PPP1R14C: variants seen among roughly 807,000 people sequenced by gnomAD.
PPP1R14C encodes protein phosphatase 1 regulatory inhibitor subunit 14C, also known as protein phosphatase 1 regulatory subunit 14C.
A neutral mutation model predicts 20.4 loss-of-function variants in PPP1R14C; 16 were observed. That is an observed-to-expected ratio of 0.78 (90% CI 0.53 to 1.19). PPP1R14C has a LOEUF of 1.19. PPP1R14C is among the 50% of genes most tolerant of loss of function. PPP1R14C has a pLI of 0.00. For missense variants in PPP1R14C, 211 were observed against 220.1 expected (o/e 0.96, Z 0.26); for synonymous variants, 91 against 91.0 (o/e 1.00, Z 0.00).
Position 150,214,799 on chromosome 6 carries a change from G to C in PPP1R14C, c.362G>C (p.Ser121Thr). The part of the protein sequence containing the change: ...IDIDDLLDAD[S>T]DEERASKLQE... ...ATTGATGATCTTCTTGATGCAGACA[G>C]TGATGAAGAGAGAGCTTCAAAATTA... Residue 121 changes from serine to threonine, a missense_variant, in exon 2 of 4, where the codon AGT (serine) becomes ACT (threonine). Ser to Thr is a moderately conservative substitution (Grantham distance 58). Transcript: ENST00000361131. 6.2e-7 allele frequency: 1 copy of C among 1,612,080 alleles called. No individual in the cohort carries two copies. Among genetic ancestry groups the C allele is most frequent in the East Asian group, 2.2e-5 (1 of 44,780 alleles).
chr6:150,150,932 G>A (rs1378731433), intron 1 of PPP1R14C, among the ~76,000 whole-genome samples: 2 of 151,800 alleles, frequency 1.3e-5, no homozygotes, highest in African/African-American at 2.4e-5. Context: ...CGCACATGCC[G>A]CTCCGTCTTT....
intron 3 of PPP1R14C, among the ~76,000 whole-genome samples, chr6:150,217,442 G>C (rs34901813): frequency 2.8e-4 from 42 of 152,116 alleles, no homozygotes; most frequent in Admixed American, 9.2e-4. Context: ...GTATTCACCC[G>C]CCTCGGCCTC....
At chr6:150,237,229 A>G (rs1347908581) in intron 3 of PPP1R14C, among the ~76,000 whole-genome samples, 1 of 151,610 alleles carries the variant, frequency 6.6e-6, no homozygotes, top group Admixed American at 6.6e-5. Flanking sequence ...TTTGAAACGG[A>G]GTGTTGCTCT....
intron 1 of PPP1R14C, among the ~76,000 whole-genome samples, chr6:150,159,496 A>T (rs1222980849): frequency 6.6e-6 from 1 of 151,930 alleles, no homozygotes; most frequent in African/African-American, 2.4e-5. Context: ...CCACTCTATC[A>T]ATTACCCAAC....
chr6:150,166,166 C>T (rs1777419961), intron 1 of PPP1R14C, among the ~76,000 whole-genome samples: 2 of 151,946 alleles, frequency 1.3e-5, no homozygotes, highest in Non-Finnish European at 2.9e-5. Context: ...CTGCAAGCTC[C>T]GCCTCCCGGA....
chr6:150,169,864 CA>C (rs1477511385), intron 1 of PPP1R14C, among the ~76,000 whole-genome samples: 1 of 152,190 alleles, frequency 6.6e-6, no homozygotes, highest in East Asian at 1.9e-4. Flanking sequence ...ATTGATGTGG[CA>C]AACTTAGGGC....
intron 1 of PPP1R14C, among the ~76,000 whole-genome samples, chr6:150,170,774 G>A (rs560236896): frequency 8.3e-6 from 1 of 121,164 alleles, no homozygotes; most frequent in Non-Finnish European, 1.7e-5. Context: ...GTTACAGTAC[G>A]ACTCTTTTTT....
chr6:150,210,571 T>C (rs1034338482), intron 1 of PPP1R14C, among the ~76,000 whole-genome samples: 5 of 152,196 alleles, frequency 3.3e-5, no homozygotes, highest in Non-Finnish European at 7.3e-5. Context: ...CCATGGAGCC[T>C]TCAGTGTGAC....
intron 1 of PPP1R14C, chr6:150,195,235 A>G (rs897467993): frequency 1.1e-6 from 1 of 869,670 alleles, no homozygotes; most frequent in South Asian, 5.4e-5. Flanking sequence ...ATTGCAGTAT[A>G]TGTGTGTGTG....
chr6:150,156,921 A>G (rs566261906), intron 1 of PPP1R14C, among the ~76,000 whole-genome samples: 2 of 152,316 alleles, frequency 1.3e-5, no homozygotes, highest in African/African-American at 4.8e-5. Flanking sequence ...TACTTAGGTA[A>G]ATGGAAAGGT....
intron 3 of PPP1R14C, among the ~76,000 whole-genome samples, chr6:150,244,400 C>A (rs1778468706): frequency 6.6e-6 from 1 of 152,198 alleles, no homozygotes; most frequent in Non-Finnish European, 1.5e-5. Flanking sequence ...TTTCCCCTAG[C>A]TCTTGTGGCT....
intron 3 of PPP1R14C, among the ~76,000 whole-genome samples, chr6:150,240,697 T>C (rs910326782): frequency 2.6e-5 from 4 of 152,244 alleles, no homozygotes; most frequent in African/African-American, 4.8e-5. Flanking sequence ...GTGAGGAGGG[T>C]TGGAAAGAGA....
intron 3 of PPP1R14C, among the ~76,000 whole-genome samples, chr6:150,232,662 A>G (rs1778308301): frequency 6.6e-6 from 1 of 152,220 alleles, no homozygotes; most frequent in African/African-American, 2.4e-5. Flanking sequence ...TTTATTGGGC[A>G]GTCAGTTCAG....
At chr6:150,193,955 G>A (rs574366466) in intron 1 of PPP1R14C, among the ~76,000 whole-genome samples, 2 of 152,224 alleles carry the variant, frequency 1.3e-5, no homozygotes, top group East Asian at 3.9e-4. Context: ...TTGTGGGAGG[G>A]ACCCTGTGGG....
chr6:150,239,023 T>C (rs1778401408), intron 3 of PPP1R14C, among the ~76,000 whole-genome samples: 2 of 152,162 alleles, frequency 1.3e-5, no homozygotes, highest in Non-Finnish European at 2.9e-5. Context: ...GAGTTCCTCA[T>C]TGATCCTCAC....
chr6:150,171,882 C>G (rs1045934512), intron 1 of PPP1R14C, among the ~76,000 whole-genome samples: 1 of 152,012 alleles, frequency 6.6e-6, no homozygotes, highest in Non-Finnish European at 1.5e-5. Context: ...CTTGGCTCAC[C>G]GCAACCTCTG....
chr6:150,152,119 CAAAAAAAAAAAAAAAA>C (rs577869928), intron 1 of PPP1R14C, among the ~76,000 whole-genome samples: 5 of 84,948 alleles, frequency 5.9e-5, no homozygotes, highest in African/African-American at 1.9e-4. Context: ...GACTCCGTCT[CAAAAAAAAAAAAAAAA>C]AAAAAAAAAA....
At chr6:150,198,738 T>G (rs1007898780) in intron 1 of PPP1R14C, among the ~76,000 whole-genome samples, 3 of 152,248 alleles carry the variant, frequency 2.0e-5, no homozygotes, top group Admixed American at 6.5e-5. Context: ...CTGGCACTTA[T>G]GCTGCTGAGC....
rs1003888913 is a variant in PPP1R14C at position 150,214,781 on chromosome 6, A to G, written c.344A>G (p.Asp115Gly). 2 of 1,613,252 alleles carry G rather than the reference A, an allele frequency of 1.2e-6. No homozygotes were observed. The highest frequency in any genetic ancestry group is 2.7e-5 in the African/African-American group (2 of 75,016). Residue 115 changes from aspartate (D) to glycine (G), a missense_variant, in exon 2 of 4, where the codon GAT (aspartate) becomes GGT (glycine). Asp to Gly is a moderately conservative substitution (Grantham distance 94). Coordinates refer to ENST00000361131, the MANE Select transcript of PPP1R14C (RefSeq NM_030949.3). Reference sequence around the variant, plus strand: ...CCAGAGGTAGAAATTGACATTGATGATCTTCTTGATGCAGACAGTGATGAA... The same window carrying G: ...CCAGAGGTAGAAATTGACATTGATGGTCTTCTTGATGCAGACAGTGATGAA... Reference protein sequence around the residue: ...EMPEVEIDIDDLLDADSDEER... With the variant: ...EMPEVEIDIDGLLDADSDEER...
Sources: gnomAD v4.1 joint callset for allele counts (sites outside exome capture counted in the v4.1 genomes callset) on GRCh38, gnomAD v4.1.1 for gene constraint, MANE v1.5 for transcripts, NCBI Gene and HGNC (gene_info 2026-07-23, HGNC 2026-07-21) for gene names.